Variants in PPP6R1 observed in about 807,000 individuals in gnomAD.
PPP6R1 encodes protein phosphatase 6 regulatory subunit 1.
Under a neutral mutation model 104.6 loss-of-function variants are expected in PPP6R1, and 39 were observed. That is an observed-to-expected ratio of 0.37 (90% confidence interval 0.29 to 0.49). The LOEUF (loss-of-function observed/expected upper bound fraction) is 0.49. Ranked by LOEUF, PPP6R1 falls within the 20% of genes least tolerant of loss-of-function variation. PPP6R1 has a pLI of 0.98. For synonymous variants in PPP6R1, 549 were observed against 479.0 expected (o/e 1.15, Z -1.91); for missense variants, 1,181 against 1,155.8 (o/e 1.02, Z -0.32).
Position 55,250,175 on chromosome 19 carries a change from C to T in PPP6R1, c.-6-3066G>A, listed in dbSNP as rs1268470246. Among the ~76,000 whole-genome samples, 4 of 152,242 alleles carry T rather than the reference C, an allele frequency of 2.6e-5. No homozygotes were observed. In the East Asian group the frequency reaches 5.8e-4, roughly 22 times the overall value. ...TGGTATCAGCCACTGCGCTCCAGCA[C>T]CTGCACTGCGCTGACTACTCTGAAA... On this transcript the variant is annotated intron_variant, in intron 1 of 23. Coordinates refer to ENST00000412770, the MANE Select transcript of PPP6R1 (RefSeq NM_014931.4).
intron 17 of PPP6R1, 185 bp from the exon 18 acceptor site, chr19:55,232,396 A>G (rs1309299240): frequency 2.4e-6 from 2 of 828,024 alleles, no homozygotes; most frequent in Non-Finnish European, 3.6e-6. Flanking sequence ...TTCTGAGCCA[A>G]CGGCAAGAAC....
At chr19:55,228,464 C>T (rs375912057), downstream of PPP6R1, 10 of 1,606,616 alleles carry the variant, frequency 6.2e-6, no homozygotes, top group Middle Eastern at 1.7e-4. Context: ...GCTACTGAGC[C>T]GAAACCCAGC....
rs750836685 is a variant in PPP6R1 at position 55,245,501 on chromosome 19, C to T, written c.405G>A (p.Lys135=). ...SKVMGILINR[K]TDQLVSFLRK... ...GTGGGGGCCAGGGCACCTGGTCTGT[C>T]TTGCGGTTGATGAGGATGCCCATGA... Residue 135 remains lysine (K), a synonymous_variant, in exon 3 of 24, where the codon AAG becomes AAA. Coordinates refer to ENST00000412770, the MANE Select transcript of PPP6R1 (RefSeq NM_014931.4). The surrounding 1 kb of genome is among the most constrained non-coding windows in gnomAD (Gnocchi z 6.4). 4.3e-6 allele frequency: 7 copies of T among 1,609,584 alleles called. No homozygotes were observed. The highest frequency in any genetic ancestry group is 5.9e-6 in the Non-Finnish European group (7 of 1,178,064).
chr19:55,258,961 C>T lies in PPP6R1; in HGVS notation c.-533G>A, dbSNP rs942729161. ...CCCAAAGCCGCTCAATCTCCGGGCT[C>T]TGCGGCCGGCCTCAGGGCCTCCGAC... On this transcript the variant is annotated 5_prime_UTR_variant, in exon 1 of 24. Transcript: ENST00000412770. 2 of 152,268 alleles carry T rather than the reference C, an allele frequency of 1.3e-5. No individual in the cohort carries two copies. Among genetic ancestry groups the T allele is most frequent in the Non-Finnish European group, 2.9e-5 (2 of 68,088 alleles). 9.4% of individuals were successfully genotyped at this position (152,268 alleles called of 1,614,324 possible).
rs939148670 is a variant in PPP6R1 at position 55,245,985 on chromosome 19, C to T, written c.228-307G>A. On this transcript the variant is annotated intron_variant, in intron 2 of 23. Coordinates refer to ENST00000412770, the MANE Select transcript of PPP6R1 (RefSeq NM_014931.4). This position sits in a 1 kb window ranked among gnomAD's most constrained non-coding sequence, Gnocchi z 6.4. ...AACACTCATCCCTTTTGCCTCTCAGCGGCTTCACTTGCAACCCCGTATGCT... is the reference window on the plus strand; with the variant it reads ...AACACTCATCCCTTTTGCCTCTCAGTGGCTTCACTTGCAACCCCGTATGCT... Among the ~76,000 whole-genome samples the T allele has an allele frequency of 2.0e-5, 3 of 152,164 alleles. No homozygotes were observed. Among genetic ancestry groups the T allele is most frequent in the African/African-American group, 7.2e-5 (3 of 41,448 alleles).
rs753938760 is a variant in PPP6R1, at chr19:55,241,451, C to T, written c.1008+26G>A. 11 of 1,597,046 alleles carry T rather than the reference C, an allele frequency of 6.9e-6. No individual in the cohort carries two copies. The highest frequency in any genetic ancestry group is 2.2e-5 in the South Asian group (2 of 89,906). On this transcript the variant is annotated intron_variant, in intron 8 of 23. Coordinates refer to ENST00000412770, the MANE Select transcript of PPP6R1 (RefSeq NM_014931.4). This position sits in a 1 kb window ranked among gnomAD's most constrained non-coding sequence, Gnocchi z 5.4. ...GCCCTTCCTGCTTCCCCCGCCTCCC[C>T]GAGGACCAGAACCCACACCCCTGAC...
intron 5 of PPP6R1, among the ~76,000 whole-genome samples, chr19:55,244,783 C>T (rs1392117855): frequency 6.6e-6 from 1 of 151,158 alleles, no homozygotes; most frequent in African/African-American, 2.4e-5. Flanking sequence ...CTCACTGTGT[C>T]ACCCAGGCTG....
Position 55,251,980 on chromosome 19 carries a change from T to C in PPP6R1, c.-6-4871A>G, listed in dbSNP as rs1289502460. On this transcript the variant is annotated intron_variant, in intron 1 of 23. Transcript: ENST00000412770. ...CTCCGTGGGAGACCAAGCAGGCTGA[T>C]AGGCTGCCCATGCCATGCCAGCAAA... Among the ~76,000 whole-genome samples, 9 of 150,314 alleles carry C rather than the reference T, an allele frequency of 6.0e-5. No homozygotes were observed. The South Asian group carries it at 1.3e-3, about 21-fold the overall frequency.
Position 55,241,014 on chromosome 19 carries a change from G to A in PPP6R1, c.1227C>T (p.Thr409=). 1 of 1,584,954 alleles carries A rather than the reference G, an allele frequency of 6.3e-7. No homozygotes were observed. Among genetic ancestry groups the A allele is most frequent in the Non-Finnish European group, 8.6e-7 (1 of 1,165,854 alleles). The stretch of plus-strand genomic sequence containing the variant: ...CAGGAGGTGGCCCCAAGCTCAGCAT[G>A]GTGCTCACGCATCCCTCTACTTGGG... ...LHAQVEGCVS[T]MLSLGPPPDS... is the part of the protein sequence containing the mutation. Residue 409 remains threonine, a synonymous_variant, in exon 10 of 24, where the codon ACC becomes ACT. Coordinates refer to ENST00000412770, the MANE Select transcript of PPP6R1 (RefSeq NM_014931.4). The surrounding 1 kb of genome is among the most constrained non-coding windows in gnomAD (Gnocchi z 5.4).
intron 1 of PPP6R1, among the ~76,000 whole-genome samples, chr19:55,251,563 C>T (rs1359890030): frequency 6.6e-6 from 1 of 152,150 alleles, no homozygotes; most frequent in East Asian, 1.9e-4. Flanking sequence ...ACGAAGGCAC[C>T]ACCACCTCAC....
chr19:55,245,666 C>T lies in PPP6R1; in HGVS notation c.240G>A (p.Val80=). The part of the protein sequence containing the change: ...EERLRYKYPS[V]ACEILTSDVP... ...CATCTGAGGTCAGAATCTCGCAGGC[C>T]ACACTGGGGTACCTGGGAGGCAAGC... is the stretch of plus-strand genomic sequence containing the variant. Residue 80 remains valine (V), a synonymous_variant, in exon 3 of 24, where the codon GTG becomes GTA. Coordinates refer to ENST00000412770, the MANE Select transcript of PPP6R1 (RefSeq NM_014931.4). This position sits in a 1 kb window ranked among gnomAD's most constrained non-coding sequence, Gnocchi z 6.4. The T allele has an allele frequency of 6.2e-7, 1 of 1,606,664 alleles. No homozygotes were observed. The highest frequency in any genetic ancestry group is 2.2e-5 in the East Asian group (1 of 44,828).
chr19:55,236,279 C>T (rs115768948), intron 17 of PPP6R1: 4,753 of 195,002 alleles, frequency 0.024, 185 homozygotes, highest in African/African-American at 0.085. Flanking sequence ...CTCAACCTCC[C>T]GAGTAGCCAG....
intron 1 of PPP6R1, among the ~76,000 whole-genome samples, chr19:55,253,991 G>C (rs1221509436): frequency 6.6e-6 from 1 of 152,208 alleles, no homozygotes. Flanking sequence ...AGCTCAGCAG[G>C]TGCAAGTCTC....
At chr19:55,240,667 ACG>A (rs1242997252) in intron 10 of PPP6R1, among the ~76,000 whole-genome samples, 6 of 151,862 alleles carry the variant, frequency 4.0e-5, no homozygotes, top group African/African-American at 1.5e-4. Flanking sequence ...ATGCTCACAC[ACG>A]CACGTGTGCG....
chr19:55,245,408 G>A lies in PPP6R1; in HGVS notation c.415-6C>T, dbSNP rs1301399911. The stretch of plus-strand genomic sequence containing the variant: ...TTCCGAAGAAAGGACACGAGCTGGG[G>A]GCACACGGGCTGCGTCATGCACAGG... On this transcript the variant is annotated splice_region_variant and splice_polypyrimidine_tract_variant and intron_variant, in intron 3 of 23. Transcript: ENST00000412770. The surrounding 1 kb of genome is among the most constrained non-coding windows in gnomAD (Gnocchi z 6.4). The A allele has an allele frequency of 6.2e-7, 1 of 1,613,358 alleles. No individual in the cohort carries two copies. The highest frequency in any genetic ancestry group is 1.3e-5 in the African/African-American group (1 of 74,932).
intron 15 of PPP6R1, among the ~76,000 whole-genome samples, 193 bp from the exon 16 acceptor site, chr19:55,237,163 T>C (rs2087407517): frequency 6.6e-6 from 1 of 152,244 alleles, no homozygotes; most frequent in Non-Finnish European, 1.5e-5. Flanking sequence ...ACATCTCACA[T>C]ATGATCACTT....
chr19:55,239,332 G>A (rs1265752354), intron 15 of PPP6R1, 73 bp downstream of exon 15: 16 of 1,420,874 alleles, frequency 1.1e-5, no homozygotes, highest in Admixed American at 1.9e-5. Context: ...GCGTGCAGGG[G>A]ACAGATACAA....
At chr19:55,229,261 C>A (rs1182436051), downstream of PPP6R1, 1 of 159,082 alleles carries the variant, frequency 6.3e-6, no homozygotes, top group Non-Finnish European at 1.4e-5. Flanking sequence ...AATGGGTGAC[C>A]AGGAGGGACC....
At position 55,231,926 on chromosome 19, in the gene PPP6R1, G is replaced by A; in HGVS notation, c.2182C>T (p.Arg728Ter). Residue 728 changes from arginine to a stop codon, truncating the protein, a stop_gained, in exon 19 of 24, where the codon CGA becomes TGA. Coordinates refer to ENST00000412770, the MANE Select transcript of PPP6R1 (RefSeq NM_014931.4). LOFTEE classifies it high-confidence loss of function. ...PVPTDAPTSP[R>*]VSGEEELHTG... Reference sequence around the variant, plus strand: ...TGCAGCTCTTCCTCCCCGGAGACTCGGGGGCTGGTCGGGGCATCTGTAGGC... The same window carrying A: ...TGCAGCTCTTCCTCCCCGGAGACTCAGGGGCTGGTCGGGGCATCTGTAGGC... 8 of 1,565,522 alleles carry A rather than the reference G, an allele frequency of 5.1e-6. No individual in the cohort carries two copies. The highest frequency in any genetic ancestry group is 6.1e-6 in the Non-Finnish European group (7 of 1,152,528).
Sources: gnomAD v4.1 joint callset for allele counts (sites outside exome capture counted in the v4.1 genomes callset) on GRCh38, gnomAD v4.1.1 for gene constraint, Gnocchi (gnomAD v3.1) non-coding constraint, MANE v1.5 for transcripts, NCBI Gene and HGNC (gene_info 2026-07-23, HGNC 2026-07-21) for gene names.